The following SIRT4 variants were observed in gnomAD, a reference collection of about 807,000 sequenced individuals.
The protein encoded by SIRT4 is sirtuin 4.
Under a neutral mutation model 26.1 loss-of-function variants are expected in SIRT4, and 23 were observed. The ratio of observed to expected loss-of-function variants is 0.88; its 90% CI spans 0.63 to 1.25. SIRT4 has a LOEUF of 1.25. SIRT4 is among the 50% of genes most tolerant of loss of function. The probability of loss-of-function intolerance (pLI) is 0.00; values close to 1 mark genes in which losing one functional copy is unlikely to be tolerated. For missense variants in SIRT4, 361 were observed against 405.4 expected (o/e 0.89, Z 0.94); for synonymous variants, 155 against 158.4 (o/e 0.98, Z 0.16).
the SIRT4 span, among the ~76,000 whole-genome samples, chr12:120,297,210 G>A: frequency 1.3e-5 from 2 of 150,994 alleles, no homozygotes; most frequent in African/African-American, 2.4e-5. Context: ...GCGATAGAGC[G>A]AGACTCCGTC....
chr12:120,295,714 A>T, the SIRT4 span, among the ~76,000 whole-genome samples: 2 of 151,968 alleles, frequency 1.3e-5, no homozygotes, highest in Non-Finnish European at 2.9e-5. Flanking sequence ...ATTTGAAGCA[A>T]CTTTCACCCT....
At chr12:120,310,870 G>A (rs1872933273) in intron 2 of SIRT4, among the ~76,000 whole-genome samples, 2 of 151,280 alleles carry the variant, frequency 1.3e-5, no homozygotes, top group Non-Finnish European at 1.5e-5. Flanking sequence ...CGAGTAGCTG[G>A]GACTACAGGC....
At chr12:120,295,419 ATTTTTT>A in the SIRT4 span, among the ~76,000 whole-genome samples, 27 of 81,312 alleles carry the variant, frequency 3.3e-4, no homozygotes, top group African/African-American at 1.1e-3. Flanking sequence ...TATATAGATA[ATTTTTT>A]TTTTTTTTTT....
chr12:120,304,824 TATATA>T (rs1872681121), intron 2 of SIRT4, among the ~76,000 whole-genome samples: 1 of 104,210 alleles, frequency 9.6e-6, no homozygotes, highest in African/African-American at 4.6e-5. Context: ...TATATATATA[TATATA>T]TATATATTTT....
chr12:120,293,090 A>C, the SIRT4 span: 2 of 152,036 alleles, frequency 1.3e-5, no homozygotes, highest in African/African-American at 4.8e-5. Flanking sequence ...ACTGCAAGAA[A>C]ATTCAGTCTC....
chr12:120,293,608 T>G, the SIRT4 span, among the ~76,000 whole-genome samples: 5 of 152,216 alleles, frequency 3.3e-5, no homozygotes, highest in Admixed American at 3.3e-4. Context: ...AACTTTTTTT[T>G]AAATTATGCC....
chr12:120,308,739 C>A (rs2136838564), intron 2 of SIRT4, among the ~76,000 whole-genome samples: 1 of 152,222 alleles, frequency 6.6e-6, no homozygotes, highest in South Asian at 2.1e-4. Context: ...TCTGAGCAAG[C>A]AAGCAACATG....
chr12:120,297,233 AATACATAC>A, the SIRT4 span, among the ~76,000 whole-genome samples: 2 of 134,350 alleles, frequency 1.5e-5, no homozygotes, highest in African/African-American at 6.3e-5. Flanking sequence ...AAAATAAATA[AATACATAC>A]ATACATACAT....
intron 2 of SIRT4, among the ~76,000 whole-genome samples, chr12:120,307,781 C>T (rs1872797598): frequency 6.7e-6 from 1 of 150,280 alleles, no homozygotes; most frequent in Non-Finnish European, 1.5e-5. Flanking sequence ...TCATTTGAAC[C>T]CGGGAGGCAG....
chr12:120,294,698 C>T, the SIRT4 span, among the ~76,000 whole-genome samples: 3 of 151,034 alleles, frequency 2.0e-5, no homozygotes, highest in Non-Finnish European at 3.0e-5. Flanking sequence ...CTGTATTTTT[C>T]GTACAGACAG....
the SIRT4 span, among the ~76,000 whole-genome samples, chr12:120,292,229 C>CT: frequency 1.3e-5 from 2 of 152,156 alleles, no homozygotes. Context: ...AGACGGACGA[C>CT]TAGCTGTGCT....
At chr12:120,299,019 G>C (rs1400882118), upstream of SIRT4, among the ~76,000 whole-genome samples, 1 of 150,104 alleles carries the variant, frequency 6.7e-6, no homozygotes, top group Non-Finnish European at 1.5e-5. Context: ...GAGGTCAAGA[G>C]ATAGAGACCA....
chr12:120,293,394 AT>A, the SIRT4 span, among the ~76,000 whole-genome samples: 1 of 152,314 alleles, frequency 6.6e-6, no homozygotes, highest in African/African-American at 2.4e-5. Context: ...GTTTCTGCAT[AT>A]CGTTGCTGAT....
chr12:120,303,425 A>G, intron 1 of SIRT4, 136 bp from the exon 2 acceptor site: 1 of 1,005,140 alleles, frequency 9.9e-7, no homozygotes, highest in Non-Finnish European at 1.4e-6. Context: ...CAGTGAGCCA[A>G]GATCATGCCA....
the SIRT4 span, among the ~76,000 whole-genome samples, chr12:120,295,419 A>AATTTTT: frequency 6.1e-5 from 5 of 81,346 alleles, 1 homozygote; most frequent in Non-Finnish European, 1.0e-4. Context: ...TATATAGATA[A>AATTTTT]TTTTTTTTTT....
Position 120,313,039 on chromosome 12 carries a change from A to G in SIRT4, c.*3A>G, listed in dbSNP as rs764641201. On this transcript the variant is annotated 3_prime_UTR_variant, in exon 4 of 4. Transcript: ENST00000202967. ...TGCCTTTGATAGACCCATGCTGACC[A>G]CAGCCTGATATTCCAGAACCTGGAA... is the stretch of plus-strand genomic sequence containing the variant. The G allele has an allele frequency of 1.9e-6, 3 of 1,614,114 alleles. No individual in the cohort carries two copies. Among genetic ancestry groups the G allele is most frequent in the Admixed American group, 3.3e-5 (2 of 59,984 alleles).
chr12:120,311,479 C>A (rs1045130425), intron 2 of SIRT4, among the ~76,000 whole-genome samples: 1 of 151,782 alleles, frequency 6.6e-6, no homozygotes, highest in Non-Finnish European at 1.5e-5. Flanking sequence ...CACCTGTAAT[C>A]CCAGCACTTT....
chr12:120,293,287 T>C, the SIRT4 span: 4 of 152,222 alleles, frequency 2.6e-5, no homozygotes, highest in Non-Finnish European at 5.9e-5. Flanking sequence ...GCTTCCTATT[T>C]CGCAAAGGTG....
At chr12:120,301,513 A>C (rs1872548344), upstream of SIRT4, among the ~76,000 whole-genome samples, 2 of 152,062 alleles carry the variant, frequency 1.3e-5, no homozygotes, top group Admixed American at 1.3e-4. Context: ...AATGAGTCAA[A>C]TCTAGGCCGG....
Sources: gnomAD v4.1 joint callset for allele counts (sites outside exome capture counted in the v4.1 genomes callset) on GRCh38, gnomAD v4.1.1 for gene constraint, MANE v1.5 for transcripts, NCBI Gene and HGNC (gene_info 2026-07-23, HGNC 2026-07-21) for gene names.